Variants in SCN2A observed in about 807,000 individuals in gnomAD.
The protein encoded by SCN2A is sodium channel protein type 2 subunit alpha.
In SCN2A, 20 loss-of-function variants were observed where a neutral mutation model predicts 188.7. The ratio of observed to expected loss-of-function variants is 0.11; its 90% CI spans 0.07 to 0.15. The LOEUF (loss-of-function observed/expected upper bound fraction) is 0.15. SCN2A is among the 10% of genes least tolerant of loss of function. The pLI, the probability that SCN2A is intolerant of heterozygous loss-of-function variation, is 1.00. For synonymous variants in SCN2A, 804 were observed against 833.1 expected (o/e 0.97, Z 0.60); for missense variants, 1,278 against 2,445.0 (o/e 0.52, Z 10.07).
At chr2:165,341,902 C>T (rs1019613106) in intron 14 of SCN2A, among the ~76,000 whole-genome samples, 3 of 152,168 alleles carry the variant, frequency 2.0e-5, no homozygotes, top group East Asian at 1.9e-4. Flanking sequence ...GCACCAGTCT[C>T]ATCTGCAGGG....
At chr2:165,338,410 C>T (rs1457786604) in intron 14 of SCN2A, among the ~76,000 whole-genome samples, 2 of 151,972 alleles carry the variant, frequency 1.3e-5, no homozygotes, top group Admixed American at 1.3e-4. Flanking sequence ...CATGCACCAG[C>T]CACCAAGCCT....
Position 165,374,888 on chromosome 2 carries a change from C to A in SCN2A, c.4176C>A (p.Ser1392Arg). 6.2e-7 allele frequency: 1 copy of A among 1,613,368 alleles called. No individual in the cohort carries two copies. The highest frequency in any genetic ancestry group is 1.7e-5 in the Admixed American group (1 of 59,912). The change falls in exon 22 of 27, where the codon AGC becomes AGA. Residue 1392 changes from serine (S) to arginine (R), a missense_variant. Physicochemically the swap from Ser to Arg is moderately radical, Grantham distance 110 (BLOSUM62 -1). Transcript: ENST00000375437. ...NYSECKALIE[S>R]NQTARWKNVK... ...GTGAGTGCAAAGCTCTCATTGAGAG[C>A]AATCAAACTGCCAGGTGGAAAAATG...
chr2:165,297,049 C>G lies in SCN2A; in HGVS notation c.300C>G (p.Ile100Met), dbSNP rs750257815. Residue 100 changes from isoleucine to methionine, a missense_variant, in exon 3 of 27, where the codon ATC (isoleucine) becomes ATG (methionine). Around this residue, in one of 17 missense-constraint regions of SCN2A, gnomAD observed 141 missense variants for 185.4 expected, o/e 0.76. Transcript: ENST00000375437. ...TFIVLNKGKA[I>M]SRFSATPALY... ...TAGTATTGAATAAAGGGAAAGCAATCTCTCGATTCAGTGCCACCCCTGCCC... is the reference window on the plus strand; with the variant it reads ...TAGTATTGAATAAAGGGAAAGCAATGTCTCGATTCAGTGCCACCCCTGCCC... 2.5e-6 allele frequency: 4 copies of G among 1,610,214 alleles called. No homozygotes were observed. The highest frequency in any genetic ancestry group is 3.4e-6 in the Non-Finnish European group (4 of 1,177,056).
At chr2:165,272,323 A>G (rs1695140562) in intron 1 of SCN2A, 1 of 152,122 alleles carries the variant, frequency 6.6e-6, no homozygotes, top group South Asian at 2.1e-4. Flanking sequence ...TGACAATCTT[A>G]AAAGGGTATA....
intron 25 of SCN2A, among the ~76,000 whole-genome samples, chr2:165,383,939 T>C (rs958280912): frequency 4.6e-5 from 7 of 152,068 alleles, no homozygotes; most frequent in Non-Finnish European, 5.9e-5. Context: ...AAATGATGAA[T>C]ATTTAGAAGT....
At chr2:165,331,718 A>T (rs959306643) in intron 14 of SCN2A, 150 bp downstream of exon 14, 4 of 711,288 alleles carry the variant, frequency 5.6e-6, no homozygotes, top group Non-Finnish European at 9.9e-6. Flanking sequence ...TAACAAAAAA[A>T]TGTTGCTACC....
rs1382336573 is a variant in SCN2A at position 165,353,560 on chromosome 2, G to T, written c.2920-632G>T. Among the ~76,000 whole-genome samples, 4 of 152,262 alleles carry T rather than the reference G, an allele frequency of 2.6e-5. No individual in the cohort carries two copies. In the Middle Eastern group the frequency reaches 0.01, roughly 388 times the overall value. On this transcript the variant is annotated intron_variant, in intron 16 of 26. Coordinates refer to ENST00000375437, the MANE Select transcript of SCN2A (RefSeq NM_001040142.2). ...AGAGATTTAATTAGCTCATGGTTCT[G>T]CAGTGAGCTTGGTGCTGGCATCTGC...
intron 15 of SCN2A, 70 bp downstream of exon 15, chr2:165,342,539 A>C: frequency 6.6e-7 from 1 of 1,507,298 alleles, no homozygotes; most frequent in Non-Finnish European, 9.2e-7. Context: ...TCTAGTAAAA[A>C]TGGCAAGATT....
intron 25 of SCN2A, among the ~76,000 whole-genome samples, chr2:165,385,273 A>G (rs1287588026): frequency 2.0e-5 from 3 of 152,126 alleles, no homozygotes; most frequent in Admixed American, 1.3e-4. Flanking sequence ...TAGTCATTCT[A>G]GTTGAGAAGG....
intron 1 of SCN2A, among the ~76,000 whole-genome samples, chr2:165,244,893 T>C (rs1693778531): frequency 6.6e-6 from 1 of 152,180 alleles, no homozygotes; most frequent in Admixed American, 6.5e-5. Flanking sequence ...TTGTGTTGTG[T>C]GATATGTATG....
intron 1 of SCN2A, among the ~76,000 whole-genome samples, chr2:165,254,946 C>T (rs1229714158): frequency 6.6e-6 from 1 of 151,628 alleles, no homozygotes; most frequent in African/African-American, 2.4e-5. Context: ...ATTGGAAAAC[C>T]TAAATTTTTG....
chr2:165,294,912 T>C (rs1696424375), intron 1 of SCN2A, among the ~76,000 whole-genome samples: 1 of 152,224 alleles, frequency 6.6e-6, no homozygotes, highest in Non-Finnish European at 1.5e-5. Flanking sequence ...CAAATTCTGA[T>C]ATGGACACTA....
At chr2:165,277,126 G>A (rs779325448) in intron 1 of SCN2A, among the ~76,000 whole-genome samples, 11 of 152,056 alleles carry the variant, frequency 7.2e-5, no homozygotes, top group Non-Finnish European at 4.4e-5. Context: ...GTAATGCCTG[G>A]TGTTTTTTTA....
chr2:165,267,109 GTA>G (rs1694901697), intron 1 of SCN2A: 1 of 151,940 alleles, frequency 6.6e-6, no homozygotes, highest in Admixed American at 6.6e-5. Flanking sequence ...AATGAAATCC[GTA>G]TAAAAATTCC....
intron 14 of SCN2A, among the ~76,000 whole-genome samples, chr2:165,336,356 A>T (rs1698992400): frequency 6.6e-6 from 1 of 151,968 alleles, no homozygotes; most frequent in South Asian, 2.1e-4. Flanking sequence ...CTATCACTTG[A>T]TGAATGGATA....
At position 165,313,924 on chromosome 2, in the gene SCN2A, C is replaced by T. The variant is rs776206684; in HGVS notation, c.1199C>T (p.Thr400Met). ...YQLTLRAAGK[T>M]YMIFFVLVIF... ...CAGACACTACGTGCTGCTGGGAAAA[C>T]GTACATGATATTTTTTGTGCTGGTC... The change falls in exon 10 of 27, where the codon ACG (threonine) becomes ATG (methionine). Residue 400 changes from threonine (T) to methionine (M), a missense_variant. By Grantham distance (81) the Thr-to-Met change is moderately conservative. Around this residue, in one of 17 missense-constraint regions of SCN2A, gnomAD observed 42 missense variants for 137.3 expected, o/e 0.31. Transcript: ENST00000375437. 1.5e-5 allele frequency: 25 copies of T among 1,613,754 alleles called. No individual in the cohort carries two copies. Among genetic ancestry groups the T allele is most frequent in the Non-Finnish European group, 1.9e-5 (23 of 1,179,780 alleles).
chr2:165,387,905 C>G (rs1213990576), intron 26 of SCN2A, among the ~76,000 whole-genome samples: 1 of 152,084 alleles, frequency 6.6e-6, no homozygotes, highest in Non-Finnish European at 1.5e-5. Flanking sequence ...TGGAGCTTCC[C>G]TATTTACACT....
chr2:165,247,506 T>C (rs80090558), intron 1 of SCN2A, among the ~76,000 whole-genome samples: 1,577 of 152,286 alleles, frequency 0.01, 24 homozygotes, highest in African/African-American at 0.036. Context: ...TCCAGCAATA[T>C]TGGAGACAGT....
chr2:165,276,471 A>G (rs552328968), intron 1 of SCN2A, among the ~76,000 whole-genome samples: 2 of 152,336 alleles, frequency 1.3e-5, no homozygotes, highest in Admixed American at 1.3e-4. Flanking sequence ...GAGCCCAACA[A>G]AGACAAATAG....
Sources: allele counts gnomAD v4.1 joint callset (sites outside exome capture counted in the v4.1 genomes callset), GRCh38; gene constraint gnomAD v4.1.1; regional missense constraint gnomAD v4.1.1; transcripts MANE v1.5; gene names NCBI Gene and HGNC (gene_info 2026-07-23, HGNC 2026-07-21).